GRIK2: variants seen among roughly 807,000 people sequenced by gnomAD.
GRIK2 encodes glutamate receptor ionotropic, kainate 2.
In GRIK2, 32 loss-of-function variants were observed where a neutral mutation model predicts 100.3. The ratio of observed to expected loss-of-function variants is 0.32; its 90% confidence interval spans 0.24 to 0.43. The LOEUF is 0.43. GRIK2 is among the 20% of genes least tolerant of loss of function. GRIK2 has a pLI of 1.00. For missense variants in GRIK2, 843 were observed against 1,114.9 expected, an observed-to-expected ratio of 0.76 and a Z score of 3.47; for synonymous variants, 417 against 389.4, an observed-to-expected ratio of 1.07 and a Z score of -0.83.
At chr6:101,855,974 AC>A (rs1459979400) in intron 10 of GRIK2, among the ~76,000 whole-genome samples, 1 of 152,200 alleles carries the variant, frequency 6.6e-6, no homozygotes, top group African/African-American at 2.4e-5. Flanking sequence ...TGCAGGATTT[AC>A]AAAGGATAAA....
At chr6:101,445,243 G>T (rs937808264) in intron 2 of GRIK2, among the ~76,000 whole-genome samples, 1 of 152,030 alleles carries the variant, frequency 6.6e-6, no homozygotes, top group Non-Finnish European at 1.5e-5. Flanking sequence ...TGATGACCCT[G>T]CTCTCTCATG....
chr6:101,577,659 G>A (rs1346881193), intron 2 of GRIK2, among the ~76,000 whole-genome samples: 2 of 151,994 alleles, frequency 1.3e-5, no homozygotes, highest in Non-Finnish European at 2.9e-5. Flanking sequence ...AATCAACATA[G>A]GTCAACAGAA....
At chr6:101,562,101 T>G (rs953503257) in intron 2 of GRIK2, among the ~76,000 whole-genome samples, 5 of 152,170 alleles carry the variant, frequency 3.3e-5, no homozygotes, top group Non-Finnish European at 5.9e-5. Flanking sequence ...TATTTTAATT[T>G]TGGCTCAGTG....
At position 101,992,966 on chromosome 6, in the gene GRIK2, T is replaced by C. The variant is rs574804603; in HGVS notation, c.2086-42375T>C. Among the ~76,000 whole-genome samples the C allele has an allele frequency of 5.9e-5, 9 of 151,700 alleles. No homozygotes were observed. In the South Asian group the frequency reaches 1.4e-3, roughly 24 times the overall value. On this transcript the variant is annotated intron_variant, in intron 14 of 16. Coordinates refer to ENST00000369134, the MANE Select transcript of GRIK2 (RefSeq NM_021956.5). Reference sequence around the variant, plus strand: ...AGCAGTATGTGCATATGTGTGCACATATAATTGTAAAGATGTCTTTATAAG... The same window carrying C: ...AGCAGTATGTGCATATGTGTGCACACATAATTGTAAAGATGTCTTTATAAG...
At chr6:101,813,365 G>A (rs1781451555) in intron 9 of GRIK2, among the ~76,000 whole-genome samples, 1 of 152,098 alleles carries the variant, frequency 6.6e-6, no homozygotes, top group Non-Finnish European at 1.5e-5. Flanking sequence ...ATTTAGCTAA[G>A]TTTTCTTTAT....
chr6:102,051,770 T>C (rs754335970), intron 15 of GRIK2, among the ~76,000 whole-genome samples: 4 of 152,190 alleles, frequency 2.6e-5, no homozygotes, highest in Non-Finnish European at 4.4e-5. Flanking sequence ...TCCTAACAGT[T>C]TGAAAATTGA....
At chr6:101,672,030 A>G (rs1021824095) in intron 4 of GRIK2, among the ~76,000 whole-genome samples, 3 of 152,040 alleles carry the variant, frequency 2.0e-5, no homozygotes, top group Admixed American at 1.3e-4. Context: ...GCTACTGATG[A>G]TCGATTAGAG....
chr6:101,869,453 T>C (rs1315294687), intron 11 of GRIK2, among the ~76,000 whole-genome samples: 1 of 150,948 alleles, frequency 6.6e-6, no homozygotes, highest in Non-Finnish European at 1.5e-5. Flanking sequence ...CTAATTGCAT[T>C]TTAAGGTTTT....
chr6:101,701,042 A>C (rs1772858044), intron 7 of GRIK2, among the ~76,000 whole-genome samples: 1 of 152,154 alleles, frequency 6.6e-6, no homozygotes, highest in Non-Finnish European at 1.5e-5. Flanking sequence ...GCAAACAGGA[A>C]AATTTGAGAT....
chr6:101,773,666 T>C (rs1388671329), intron 7 of GRIK2, among the ~76,000 whole-genome samples: 2 of 152,154 alleles, frequency 1.3e-5, no homozygotes, highest in Non-Finnish European at 2.9e-5. Flanking sequence ...GTTAAGTTGT[T>C]TTATAATTAT....
intron 10 of GRIK2, among the ~76,000 whole-genome samples, chr6:101,831,017 A>G (rs1341957313): frequency 6.6e-6 from 1 of 152,146 alleles, no homozygotes; most frequent in African/African-American, 2.4e-5. Context: ...CCTATTGGAT[A>G]CCACATTCTT....
At chr6:102,010,528 CAT>C (rs1463405192) in intron 14 of GRIK2, among the ~76,000 whole-genome samples, 1 of 151,952 alleles carries the variant, frequency 6.6e-6, no homozygotes, top group Non-Finnish European at 1.5e-5. Context: ...GGACTACAGT[CAT>C]GTGCCACCAT....
intron 7 of GRIK2, among the ~76,000 whole-genome samples, chr6:101,795,598 G>T (rs1217443630): frequency 1.3e-5 from 2 of 152,220 alleles, no homozygotes; most frequent in African/African-American, 4.8e-5. Flanking sequence ...TGCATGGCAT[G>T]AGAAATAGCA....
chr6:102,018,946 TTAAAA>T (rs67332902), intron 14 of GRIK2, among the ~76,000 whole-genome samples: 41,032 of 151,830 alleles, frequency 0.27, 5,903 homozygotes, highest in East Asian at 0.34. Flanking sequence ...TTTCTTTTGT[TTAAAA>T]TAAATTTTTA....
chr6:101,724,434 G>C lies in GRIK2; in HGVS notation c.951+38081G>C, dbSNP rs189028351. On this transcript the variant is annotated intron_variant, in intron 7 of 16. Coordinates refer to ENST00000369134, the MANE Select transcript of GRIK2 (RefSeq NM_021956.5). Reference sequence around the variant, plus strand: ...ATGCTTAACTCCCACTTATAAGTGAGAACATGTGGTACTCGGTTTTCTGTT... The same window carrying C: ...ATGCTTAACTCCCACTTATAAGTGACAACATGTGGTACTCGGTTTTCTGTT... 1.5e-3 allele frequency among the ~76,000 whole-genome samples: 224 copies of C among 152,012 alleles called. 1 individual carries two copies. Among genetic ancestry groups the C allele is most frequent in the Non-Finnish European group, 2.7e-3 (184 of 67,952 alleles).
intron 15 of GRIK2, among the ~76,000 whole-genome samples, chr6:102,041,178 G>T (rs1167645813): frequency 6.6e-6 from 1 of 151,594 alleles, no homozygotes; most frequent in Non-Finnish European, 1.5e-5. Flanking sequence ...GGAATTTGAT[G>T]AATTGTGAGC....
intron 2 of GRIK2, among the ~76,000 whole-genome samples, chr6:101,570,033 A>G (rs570963925): frequency 6.6e-4 from 101 of 152,228 alleles, no homozygotes; most frequent in African/African-American, 2.4e-3. Context: ...GGAAAATGCA[A>G]TCAAATGGCT....
intron 2 of GRIK2, among the ~76,000 whole-genome samples, chr6:101,427,065 G>GC (rs1176541066): frequency 6.6e-6 from 1 of 152,146 alleles, no homozygotes; most frequent in Non-Finnish European, 1.5e-5. Flanking sequence ...ATTGTGAGAG[G>GC]CCCCATGAGA....
intron 2 of GRIK2, among the ~76,000 whole-genome samples, chr6:101,496,229 G>A (rs910374459): frequency 2.6e-5 from 4 of 152,088 alleles, no homozygotes; most frequent in Non-Finnish European, 5.9e-5. Context: ...TTACAGGCGT[G>A]AGCCACCATG....
Sources: gnomAD v4.1 joint callset for allele counts (sites outside exome capture counted in the v4.1 genomes callset) on GRCh38, gnomAD v4.1.1 for gene constraint, MANE v1.5 for transcripts, NCBI Gene and HGNC (gene_info 2026-07-23, HGNC 2026-07-21) for gene names.